Variants in STAMBP observed in about 807,000 individuals in gnomAD.
STAMBP encodes STAM-binding protein.
In STAMBP, 31 loss-of-function variants were observed where a neutral mutation model predicts 50.7. That is an observed-to-expected ratio of 0.61 (90% CI 0.46 to 0.83). The LOEUF (loss-of-function observed/expected upper bound fraction) is 0.83, where lower values mean the gene tolerates loss of function less well. Ranked by LOEUF, STAMBP falls within the 40% of genes least tolerant of loss-of-function variation. The pLI is 0.00. For missense variants in STAMBP, 472 were observed against 518.9 expected (o/e 0.91, Z 0.88); for synonymous variants, 211 against 192.4 (o/e 1.10, Z -0.80).
intron 7 of STAMBP, chr2:73,855,775 G>A: frequency 2.3e-6 from 1 of 438,810 alleles, no homozygotes; most frequent in Non-Finnish European, 4.6e-6. Context: ...TCTCAGATGA[G>A]GCTGCACATA....
chr2:73,858,924 C>T (rs1045133495), intron 7 of STAMBP, among the ~76,000 whole-genome samples: 1 of 151,838 alleles, frequency 6.6e-6, no homozygotes, highest in Admixed American at 6.6e-5. Flanking sequence ...CCCAGACCCC[C>T]CAATGGATGC....
At position 73,864,088 on chromosome 2, in the gene STAMBP, A is replaced by G. The variant is rs1227858314; in HGVS notation, c.*1829A>G. The G allele has an allele frequency of 1.3e-5, 2 of 152,088 alleles. No individual in the cohort carries two copies. The highest frequency in any genetic ancestry group is 2.4e-5 in the African/African-American group (1 of 41,406). 9.4% of individuals were successfully genotyped at this position (152,088 alleles called of 1,614,324 possible). On this transcript the variant is annotated 3_prime_UTR_variant, in exon 10 of 10. Transcript: ENST00000394070. ...TACTGATGCCTGTGTTCTACCCCCC[A>G]CCAATTAAAGCTGAATCTCTAGGGT...
At chr2:73,844,948 C>T in intron 3 of STAMBP, 60 bp downstream of exon 3, 11 of 1,584,394 alleles carry the variant, frequency 6.9e-6, no homozygotes, top group Non-Finnish European at 9.4e-6. Context: ...AGACTGACTT[C>T]AAGATAAAAG....
At chr2:73,836,770 G>A (rs1281095892) in intron 2 of STAMBP, among the ~76,000 whole-genome samples, 3 of 152,230 alleles carry the variant, frequency 2.0e-5, no homozygotes, top group Admixed American at 2.0e-4. Flanking sequence ...CCTGCGGCCA[G>A]AGGCTTGGCC....
Position 73,862,371 on chromosome 2 carries a change from G to T in STAMBP, c.*112G>T. On this transcript the variant is annotated 3_prime_UTR_variant, in exon 10 of 10. Coordinates refer to ENST00000394070, the MANE Select transcript of STAMBP (RefSeq NM_213622.4). Reference sequence around the variant, plus strand: ...AAGTTTTTGTAGATAGTAGAAAGGGGGGCATCACCTGAGAAAGAGCTGATT... The same window carrying T: ...AAGTTTTTGTAGATAGTAGAAAGGGTGGCATCACCTGAGAAAGAGCTGATT... 3.8e-6 allele frequency: 3 copies of T among 782,766 alleles called. No individual in the cohort carries two copies. The South Asian group carries it at 8.8e-5, about 23-fold the overall frequency. The allele number at this position is 782,766 out of a possible 1,614,324, so 48.5% of individuals were successfully genotyped here. A position where few individuals can be genotyped will look rare whatever the true frequency, so the allele number is the denominator to read the frequency against.
intron 2 of STAMBP, among the ~76,000 whole-genome samples, chr2:73,840,647 G>A (rs900307567): frequency 1.3e-5 from 2 of 151,676 alleles, no homozygotes; most frequent in Non-Finnish European, 2.9e-5. Context: ...GGGAGGCTGA[G>A]GCAGGAGAAT....
chr2:73,843,280 C>T (rs1057387116), intron 2 of STAMBP, among the ~76,000 whole-genome samples: 4 of 149,208 alleles, frequency 2.7e-5, no homozygotes, highest in African/African-American at 9.9e-5. Context: ...TCACTGTAAC[C>T]TCAGACTTCT....
rs1222565497 is a variant in STAMBP at position 73,859,363 on chromosome 2, A to C, written c.1115A>C (p.Gln372Pro). 3.1e-6 allele frequency: 5 copies of C among 1,612,908 alleles called. No individual in the cohort carries two copies. Among genetic ancestry groups the C allele is most frequent in the Non-Finnish European group, 4.2e-6 (5 of 1,179,042 alleles). Residue 372 changes from glutamine (Q) to proline (P), a missense_variant, in exon 8 of 10, where the codon CAG (glutamine) becomes CCG (proline). Transcript: ENST00000394070. ...SVAIVCSPKF[Q>P]ETGFFKLTDH... Reference sequence around the variant, plus strand: ...GCCATTGTTTGCTCCCCCAAGTTCCAGGAGTGAGTATAGAGGGCATGGTTC... The same window carrying C: ...GCCATTGTTTGCTCCCCCAAGTTCCCGGAGTGAGTATAGAGGGCATGGTTC...
chr2:73,837,266 A>G (rs541262116), intron 2 of STAMBP, among the ~76,000 whole-genome samples: 116 of 152,336 alleles, frequency 7.6e-4, no homozygotes, highest in African/African-American at 2.7e-3. Context: ...ACCTACAGCT[A>G]GATCCCATTA....
Position 73,845,259 on chromosome 2 carries a change from A to G in STAMBP, c.372A>G (p.Glu124=). The G allele has an allele frequency of 6.2e-7, 1 of 1,607,024 alleles. No individual in the cohort carries two copies. Among genetic ancestry groups the G allele is most frequent in the Non-Finnish European group, 8.5e-7 (1 of 1,173,756 alleles). ...AAGAATATACAGAATATAATGAAGA[A>G]AAGGTCAGTATATAACAGCTAAGAA... The part of the protein sequence containing the change: ...YTKEYTEYNE[E]KKKEAEELAR... The change falls in exon 4 of 10, where the codon GAA becomes GAG. Residue 124 remains glutamate (E), a synonymous_variant. Transcript: ENST00000394070.
chr2:73,834,209 TAAA>T (rs1171586160), intron 2 of STAMBP, among the ~76,000 whole-genome samples: 5 of 8,550 alleles, frequency 5.8e-4, no homozygotes, highest in African/African-American at 1.0e-3. Flanking sequence ...GATCATGTCT[TAAA>T]AAAAAAAAAA....
At chr2:73,833,468 T>G (rs1219421532) in intron 2 of STAMBP, among the ~76,000 whole-genome samples, 2 of 152,218 alleles carry the variant, frequency 1.3e-5, no homozygotes, top group African/African-American at 2.4e-5. Flanking sequence ...GCACACTATT[T>G]ATTTTCCTGC....
intron 8 of STAMBP, 44 bp downstream of exon 8, chr2:73,859,410 A>AT: frequency 6.8e-7 from 1 of 1,476,756 alleles, no homozygotes; most frequent in Non-Finnish European, 9.5e-7. Context: ...AGGGGGTAGT[A>AT]GGGAAGAAAG....
intron 2 of STAMBP, among the ~76,000 whole-genome samples, chr2:73,834,964 T>C (rs758526123): frequency 1.3e-5 from 2 of 152,190 alleles, no homozygotes; most frequent in African/African-American, 2.4e-5. Context: ...GGCTGGATCA[T>C]GCAGGACTTT....
chr2:73,835,862 A>G (rs1482435610), intron 2 of STAMBP, among the ~76,000 whole-genome samples: 1 of 152,128 alleles, frequency 6.6e-6, no homozygotes, highest in Non-Finnish European at 1.5e-5. Flanking sequence ...AGAGATGTCA[A>G]GTGGGAGGTT....
chr2:73,851,418 C>T (rs1361877760), intron 7 of STAMBP, among the ~76,000 whole-genome samples: 1 of 152,136 alleles, frequency 6.6e-6, no homozygotes, highest in African/African-American at 2.4e-5. Context: ...TCACCTGGGG[C>T]AGAACGTGCT....
At chr2:73,843,406 G>GTATATA (rs773798563) in intron 2 of STAMBP, among the ~76,000 whole-genome samples, 1,356 of 129,846 alleles carry the variant, frequency 0.01, 37 homozygotes, top group African/African-American at 0.038. Flanking sequence ...GTTTGTGTAT[G>GTATATA]TATATATATA....
rs764894982 is a variant in STAMBP at position 73,850,393 on chromosome 2, C to T, written c.885C>T (p.Thr295=). ...LCGKLMRNEF[T]ITHVLIPKQS... ...TTTGGCAGATGAGGAATGAATTTAC[C>T]ATTACCCATGTTCTCATCCCCAAGC... The change falls in exon 7 of 10, where the codon ACC becomes ACT. Residue 295 remains threonine (T), a synonymous_variant. Transcript: ENST00000394070. The surrounding 1 kb of genome is among the most constrained non-coding windows in gnomAD (Gnocchi z 4.3). 2 of 1,611,090 alleles carry T rather than the reference C, an allele frequency of 1.2e-6. No individual in the cohort carries two copies. Among genetic ancestry groups the T allele is most frequent in the Admixed American group, 3.4e-5 (2 of 59,382 alleles).
chr2:73,849,149 T>C (rs1199072047), intron 5 of STAMBP, among the ~76,000 whole-genome samples: 1 of 152,184 alleles, frequency 6.6e-6, no homozygotes, highest in Non-Finnish European at 1.5e-5. Context: ...TTTCTCTTCT[T>C]GAAGTAATGT....
Sources: allele counts gnomAD v4.1 joint callset (sites outside exome capture counted in the v4.1 genomes callset), GRCh38; gene constraint gnomAD v4.1.1; non-coding constraint Gnocchi (gnomAD v3.1); transcripts MANE v1.5; gene names NCBI Gene and HGNC (gene_info 2026-07-23, HGNC 2026-07-21).